Variants in ITGA1 observed in about 807,000 individuals in gnomAD.
The protein encoded by ITGA1 is integrin alpha-1.
A neutral mutation model predicts 145.9 loss-of-function variants in ITGA1; 85 were observed. The observed-to-expected ratio is 0.58, with a 90% confidence interval of 0.49 to 0.70. ITGA1 has a LOEUF of 0.70. Among genes scored for constraint, ITGA1 ranks in the 30% least tolerant of loss-of-function variants. The probability of loss-of-function intolerance (pLI) is 0.00; values close to 1 mark genes in which losing one functional copy is unlikely to be tolerated. For missense variants in ITGA1, 1,351 were observed against 1,418.7 expected, an observed-to-expected ratio of 0.95 and a Z score of 0.77; for synonymous variants, 520 against 495.3, an observed-to-expected ratio of 1.05 and a Z score of -0.66.
chr5:52,930,417 A>T (rs183316003), intron 21 of ITGA1, among the ~76,000 whole-genome samples: 367 of 152,320 alleles, frequency 2.4e-3, no homozygotes, highest in Non-Finnish European at 3.5e-3. Context: ...TATGCACAAG[A>T]TATTGAGTTA....
In ITGA1 at chr5:52,953,010, T is replaced by C. The variant is rs1412050089; in HGVS notation, c.*559T>C. The stretch of plus-strand genomic sequence containing the variant: ...ACCAAGAATACATTTAGCATCTTTG[T>C]GTTGGGTTCTATACCTAAAAATTTT... On this transcript the variant is annotated 3_prime_UTR_variant, in exon 29 of 29. Coordinates refer to ENST00000282588, the MANE Select transcript of ITGA1 (RefSeq NM_181501.2). 6.6e-6 allele frequency: 1 copy of C among 152,130 alleles called. No homozygotes were observed. Among genetic ancestry groups the C allele is most frequent in the Admixed American group, 6.6e-5 (1 of 15,254 alleles). The allele number at this position is 152,130 out of a possible 1,614,324, so 9.4% of individuals were successfully genotyped here.
At chr5:52,931,657 A>G in intron 21 of ITGA1, 1 of 156,498 alleles carries the variant, frequency 6.4e-6, no homozygotes, top group Admixed American at 6.5e-5. Flanking sequence ...ATAAATAAGC[A>G]TCACCTGGGG....
intron 1 of ITGA1, chr5:52,801,291 G>A: frequency 1.7e-6 from 2 of 1,143,102 alleles, no homozygotes; most frequent in Non-Finnish European, 1.2e-6. Flanking sequence ...AATTTATGGA[G>A]TAAACTTCGC....
chr5:52,958,515 C>T lies in ITGA1; in HGVS notation c.*6064C>T, dbSNP rs1163130717. ...TCTCAGACCCTCTTCACTCTAGAAC[C>T]GTTTTATACAAGAGAACTCAACATT... On this transcript the variant is annotated 3_prime_UTR_variant, in exon 29 of 29. Coordinates refer to ENST00000282588, the MANE Select transcript of ITGA1 (RefSeq NM_181501.2). 6.6e-6 allele frequency: 1 copy of T among 152,142 alleles called. No homozygotes were observed. The highest frequency in any genetic ancestry group is 1.5e-5 in the Non-Finnish European group (1 of 68,034). 9.4% of individuals were successfully genotyped at this position (152,142 alleles called of 1,614,324 possible). A position where few individuals can be genotyped will look rare whatever the true frequency, so the allele number is the denominator to read the frequency against.
chr5:52,890,064 T>C (rs1217156510), intron 8 of ITGA1: 1 of 152,182 alleles, frequency 6.6e-6, no homozygotes, highest in Non-Finnish European at 1.5e-5. Flanking sequence ...TATATCTGTG[T>C]ATTTATTTTA....
At chr5:52,800,472 G>A (rs752362594) in intron 1 of ITGA1, 3 of 1,614,002 alleles carry the variant, frequency 1.9e-6, no homozygotes, top group African/African-American at 2.7e-5. Flanking sequence ...CTGAGGACAT[G>A]TGGCACACTT....
At chr5:52,803,312 CATTAT>C (rs777933357) in intron 1 of ITGA1, 28 of 136,290 alleles carry the variant, frequency 2.1e-4, no homozygotes, top group Admixed American at 2.3e-4. Context: ...ATTGTCATTT[CATTAT>C]AATTCCGTGA....
At chr5:52,863,844 C>G (rs1656705741) in intron 3 of ITGA1, 1 of 152,190 alleles carries the variant, frequency 6.6e-6, no homozygotes, top group Admixed American at 6.5e-5. Flanking sequence ...TATACAAGAT[C>G]AATGCATACA....
intron 14 of ITGA1, among the ~76,000 whole-genome samples, chr5:52,910,745 G>T (rs1457565650): frequency 6.9e-6 from 1 of 145,218 alleles, no homozygotes; most frequent in Non-Finnish European, 1.5e-5. Flanking sequence ...AGTATGTATA[G>T]TGTTCCTTAT....
At chr5:52,874,445 C>G (rs1474624957) in intron 6 of ITGA1, among the ~76,000 whole-genome samples, 2 of 151,050 alleles carry the variant, frequency 1.3e-5, no homozygotes, top group Non-Finnish European at 3.0e-5. Context: ...AGAAACATAG[C>G]TACTTTAGAT....
intron 1 of ITGA1, among the ~76,000 whole-genome samples, chr5:52,817,423 T>C (rs1748794840): frequency 6.6e-6 from 1 of 152,346 alleles, no homozygotes; most frequent in East Asian, 1.9e-4. Flanking sequence ...GTTCAATAAA[T>C]GTTAACTCTG....
chr5:52,892,395 T>C lies in ITGA1; in HGVS notation c.925-1280T>C, dbSNP rs546581622. Among the ~76,000 whole-genome samples, 31 of 144,124 alleles carry C rather than the reference T, an allele frequency of 2.2e-4. No individual in the cohort carries two copies. In the South Asian group the frequency reaches 6.0e-3, roughly 28 times the overall value. The allele number at this position is 144,124 out of a possible 152,430, so 94.6% of individuals were successfully genotyped here. On this transcript the variant is annotated intron_variant, in intron 8 of 28. Coordinates refer to ENST00000282588, the MANE Select transcript of ITGA1 (RefSeq NM_181501.2). ...ATCTCTTAGACATTTCTGATGGGAATAGTAAAATGGCAAAATGGGACGATT... is the reference window on the plus strand; with the variant it reads ...ATCTCTTAGACATTTCTGATGGGAACAGTAAAATGGCAAAATGGGACGATT...
intron 13 of ITGA1, among the ~76,000 whole-genome samples, chr5:52,909,850 T>C (rs1205251345): frequency 6.6e-6 from 1 of 151,494 alleles, no homozygotes; most frequent in Non-Finnish European, 1.5e-5. Context: ...CTTTGCACAA[T>C]ATTGGGTGAA....
intron 14 of ITGA1, 135 bp downstream of exon 14, chr5:52,910,554 A>G (rs997716315): frequency 3.3e-6 from 3 of 919,732 alleles, no homozygotes; most frequent in Non-Finnish European, 4.8e-6. Context: ...AATTCTCTTT[A>G]AGTGTTTTTT....
At chr5:52,927,506 C>A in intron 19 of ITGA1, 78 bp from the exon 20 acceptor site, 2 of 982,480 alleles carry the variant, frequency 2.0e-6, no homozygotes, top group Non-Finnish European at 3.1e-6. Context: ...CAAGACACAT[C>A]TGGGAAAATT....
chr5:52,920,522 G>T, intron 17 of ITGA1, 54 bp downstream of exon 17: 1 of 1,346,634 alleles, frequency 7.4e-7, no homozygotes, highest in Non-Finnish European at 9.9e-7. Flanking sequence ...ATACAGTAGA[G>T]ATGTCTTATT....
At chr5:52,861,344 AT>A in intron 2 of ITGA1, 102 bp from the exon 3 acceptor site, 2 of 700,124 alleles carry the variant, frequency 2.9e-6, no homozygotes, top group Non-Finnish European at 5.0e-6. Flanking sequence ...TTATTATCTG[AT>A]TATGAGTGTT....
chr5:52,915,667 A>G (rs1239944592), intron 15 of ITGA1, 73 bp downstream of exon 15: 21 of 1,506,368 alleles, frequency 1.4e-5, no homozygotes, highest in Non-Finnish European at 1.7e-5. Context: ...ATTGGAGCTC[A>G]TGTCATACCA....
intron 12 of ITGA1, 61 bp downstream of exon 12, chr5:52,905,969 T>G: frequency 6.9e-7 from 1 of 1,453,100 alleles, no homozygotes; most frequent in Non-Finnish European, 9.4e-7. Context: ...GTATATTTAC[T>G]GTCTATTGTC....
Sources: allele counts gnomAD v4.1 joint callset (sites outside exome capture counted in the v4.1 genomes callset), GRCh38; gene constraint gnomAD v4.1.1; transcripts MANE v1.5; gene names NCBI Gene and HGNC (gene_info 2026-07-23, HGNC 2026-07-21).